Variants in MAPT observed in about 807,000 individuals in gnomAD.
MAPT encodes the protein microtubule-associated protein tau.
In MAPT, 34 loss-of-function variants were observed where a neutral mutation model predicts 67.9. That is an observed-to-expected ratio of 0.50 (90% CI 0.38 to 0.67). The LOEUF (loss-of-function observed/expected upper bound fraction) is 0.67, where lower values mean the gene tolerates loss of function less well. Among genes scored for constraint, MAPT ranks in the 30% least tolerant of loss-of-function variants. The pLI, the probability that MAPT is intolerant of heterozygous loss-of-function variation, is 0.00. For missense variants in MAPT, 881 were observed against 1,115.2 expected (o/e 0.79, Z 2.99); for synonymous variants, 456 against 464.5 (o/e 0.98, Z 0.23).
At chr17:45,970,393 T>G (rs1485435115) in intron 2 of MAPT, among the ~76,000 whole-genome samples, 2 of 152,148 alleles carry the variant, frequency 1.3e-5, no homozygotes, top group Non-Finnish European at 2.9e-5. Context: ...CATCCATCCA[T>G]CCACCCATTC....
At chr17:45,942,027 A>G (rs2068047359) in intron 1 of MAPT, among the ~76,000 whole-genome samples, 2 of 152,124 alleles carry the variant, frequency 1.3e-5, no homozygotes, top group Admixed American at 1.3e-4. Flanking sequence ...TTGTTTTGTC[A>G]AAATGAGAAC....
chr17:45,994,406 A>T (rs2074308354), intron 8 of MAPT, among the ~76,000 whole-genome samples: 1 of 152,204 alleles, frequency 6.6e-6, no homozygotes, highest in Non-Finnish European at 1.5e-5. Context: ...AGGTCTGAGG[A>T]GGCAGAGAGG....
At chr17:45,980,997 T>A (rs1367393797) in intron 4 of MAPT, among the ~76,000 whole-genome samples, 5 of 152,188 alleles carry the variant, frequency 3.3e-5, no homozygotes, top group Admixed American at 3.3e-4. Context: ...TGGCATGCAC[T>A]GTGGTCGATG....
chr17:45,999,180 TCTC>T (rs1349990966), intron 9 of MAPT: 7 of 1,487,126 alleles, frequency 4.7e-6, no homozygotes, highest in Non-Finnish European at 6.3e-6. Context: ...TCAGTTGCCA[TCTC>T]CTCCAGGAAG....
intron 1 of MAPT, among the ~76,000 whole-genome samples, chr17:45,933,068 G>A (rs2066991333): frequency 6.6e-6 from 1 of 151,778 alleles, no homozygotes; most frequent in Non-Finnish European, 1.5e-5. Flanking sequence ...AGCAACAAGA[G>A]TGAAACTCTG....
At chr17:45,904,221 T>TATATATATTATATATTATA (rs1365810310) in intron 1 of MAPT, among the ~76,000 whole-genome samples, 1 of 46,090 alleles carries the variant, frequency 2.2e-5, no homozygotes, top group Admixed American at 4.3e-4. Context: ...TTATATATAT[T>TATATATATTATATATTATA]ATATATATTA....
At chr17:45,910,917 A>G (rs1356889772) in intron 1 of MAPT, 4 of 152,196 alleles carry the variant, frequency 2.6e-5, no homozygotes. Flanking sequence ...ATGCACCCAC[A>G]TTTCCAGGGA....
chr17:45,968,035 C>T (rs960550149), intron 2 of MAPT, among the ~76,000 whole-genome samples: 9 of 152,246 alleles, frequency 5.9e-5, no homozygotes, highest in African/African-American at 2.2e-4. Context: ...GAGACCTTTA[C>T]ACCCTCCGCC....
chr17:45,980,772 G>A (rs566603862), intron 4 of MAPT, among the ~76,000 whole-genome samples: 2 of 152,314 alleles, frequency 1.3e-5, no homozygotes, highest in South Asian at 2.1e-4. Context: ...CTTCCGGAAG[G>A]CAGTGGAGAC....
chr17:45,985,900 G>A (rs997845564), intron 5 of MAPT, among the ~76,000 whole-genome samples: 1 of 152,166 alleles, frequency 6.6e-6, no homozygotes, highest in Non-Finnish European at 1.5e-5. Flanking sequence ...CTCATTGCTG[G>A]TCCCTCTAGA....
intron 1 of MAPT, among the ~76,000 whole-genome samples, chr17:45,941,889 T>C (rs944584851): frequency 2.8e-4 from 42 of 152,132 alleles, no homozygotes; most frequent in African/African-American, 9.9e-4. Context: ...GCCCAGAACC[T>C]AGGTGTGTGC....
chr17:45,921,140 A>G (rs556821113), intron 1 of MAPT, among the ~76,000 whole-genome samples: 8 of 152,310 alleles, frequency 5.3e-5, no homozygotes, highest in African/African-American at 1.9e-4. Context: ...AGGACTTGCA[A>G]TTAAAAGAAT....
chr17:45,993,834 C>G (rs2074261289), intron 8 of MAPT: 21 of 1,357,098 alleles, frequency 1.5e-5, no homozygotes, highest in Non-Finnish European at 2.2e-5. Context: ...CCCTGCTGGG[C>G]CAGCTGTGGG....
chr17:45,913,861 C>T (rs1272308047), intron 1 of MAPT, among the ~76,000 whole-genome samples: 1 of 151,832 alleles, frequency 6.6e-6, no homozygotes, highest in Non-Finnish European at 1.5e-5. Context: ...TCTCACTCAC[C>T]ATTGGCTCTC....
rs559277466 is a variant in MAPT, at chr17:46,003,359, A to G, written c.1998+6695A>G. On this transcript the variant is annotated intron_variant, in intron 9 of 12. Transcript: ENST00000262410. Reference sequence around the variant, plus strand: ...AGTGGTGCAATCTCGGCTCACTGCAACCTCCGCCTCCCAGGTTGAAGCAAC... The same window carrying G: ...AGTGGTGCAATCTCGGCTCACTGCAGCCTCCGCCTCCCAGGTTGAAGCAAC... Among the ~76,000 whole-genome samples the G allele has an allele frequency of 2.0e-5, 3 of 150,806 alleles. No individual in the cohort carries two copies. The East Asian group carries it at 6.0e-4, about 30-fold the overall frequency.
intron 1 of MAPT, among the ~76,000 whole-genome samples, chr17:45,920,453 G>A (rs904990951): frequency 2.6e-5 from 4 of 152,194 alleles, no homozygotes; most frequent in African/African-American, 9.7e-5. Context: ...CAGCTCATGA[G>A]GGCCACACAG....
At chr17:45,919,333 T>A (rs2065476142) in intron 1 of MAPT, among the ~76,000 whole-genome samples, 1 of 150,334 alleles carries the variant, frequency 6.7e-6, no homozygotes, top group Non-Finnish European at 1.5e-5. Context: ...GGACTACAGA[T>A]AACCAGAGGA....
chr17:45,956,600 A>ATT (rs60652728), intron 1 of MAPT, among the ~76,000 whole-genome samples: 5 of 102,658 alleles, frequency 4.9e-5, no homozygotes, highest in African/African-American at 1.8e-4. Context: ...ATATATATAT[A>ATT]TTTTTTATTA....
rs902473286 is a variant in MAPT at position 45,969,941 on chromosome 17, T to TCATC, written c.134-1899_134-1896dup. Among the ~76,000 whole-genome samples the TCATC allele has an allele frequency of 8.2e-5, 12 of 147,112 alleles. No homozygotes were observed. The East Asian group carries it at 1.2e-3, about 15-fold the overall frequency. ...CATATATCATCTATACATCATCCATTCATCCATCCATCCATCCATCCACCC... is the reference window on the plus strand; with the variant it reads ...CATATATCATCTATACATCATCCATTCATCCATCCATCCATCCATCCATCCACCC... On this transcript the variant is annotated intron_variant, in intron 2 of 12. Transcript: ENST00000262410.
Sources: gnomAD v4.1 joint callset for allele counts (sites outside exome capture counted in the v4.1 genomes callset) on GRCh38, gnomAD v4.1.1 for gene constraint, MANE v1.5 for transcripts, NCBI Gene and HGNC (gene_info 2026-07-23, HGNC 2026-07-21) for gene names.